HIC2: variants seen among roughly 807,000 people sequenced by gnomAD.
The protein encoded by HIC2 is hypermethylated in cancer 2 protein.
In HIC2, 2 loss-of-function variants were observed where a neutral mutation model predicts 39.5. That is an observed-to-expected ratio of 0.05 (90% CI 0.02 to 0.16). The LOEUF (loss-of-function observed/expected upper bound fraction) is 0.16, where lower values mean the gene tolerates loss of function less well. Among genes scored for constraint, HIC2 ranks in the 10% least tolerant of loss-of-function variants. HIC2 has a pLI of 1.00. For synonymous variants in HIC2, 399 were observed against 368.8 expected (o/e 1.08, Z -0.94); for missense variants, 713 against 863.5 (o/e 0.83, Z 2.18).
At chr22:21,432,707 C>A (rs1923362799) in intron 1 of HIC2, among the ~76,000 whole-genome samples, 1 of 143,552 alleles carries the variant, frequency 7.0e-6, no homozygotes, top group Non-Finnish European at 1.5e-5. Context: ...GTCAATTGGA[C>A]CTTAGGACAA....
Position 21,447,513 on chromosome 22 carries a change from G to A in HIC2, c.*770G>A, listed in dbSNP as rs1361721464. 2.6e-5 allele frequency: 4 copies of A among 152,604 alleles called. No homozygotes were observed. The highest frequency in any genetic ancestry group is 4.1e-4 in the South Asian group (2 of 4,832). 9.5% of individuals were successfully genotyped at this position (152,604 alleles called of 1,614,324 possible). ...TCTGGCGCTGCAGGGGTGTCGGCGC[G>A]CCACCTCTCCAGGCCCCAGAAGCCC... On this transcript the variant is annotated 3_prime_UTR_variant, in exon 3 of 3. Transcript: ENST00000407464.
At chr22:21,444,796 C>T (rs1442694673) in intron 2 of HIC2, 126 bp from the exon 3 acceptor site, 6 of 1,022,444 alleles carry the variant, frequency 5.9e-6, no homozygotes, top group African/African-American at 3.2e-5. Flanking sequence ...TACTGTGCCG[C>T]AGGGGCTCCT....
intron 2 of HIC2, among the ~76,000 whole-genome samples, chr22:21,444,002 AG>A (rs1358044693): frequency 3.3e-5 from 5 of 152,146 alleles, no homozygotes; most frequent in Admixed American, 6.5e-5. Context: ...ATGGCAGAGG[AG>A]GCTGCTCAGT....
At position 21,449,463 on chromosome 22, in the gene HIC2, A is replaced by AT. The variant is rs1182215584; in HGVS notation, c.*2726dup. The AT allele has an allele frequency of 1.3e-5, 2 of 152,788 alleles. No homozygotes were observed. The highest frequency in any genetic ancestry group is 2.4e-5 in the African/African-American group (1 of 41,448). The allele number at this position is 152,788 out of a possible 1,614,324, so 9.5% of individuals were successfully genotyped here. ...GCTCATACCCAAATTCACAAAGCCTATTTTTTAAACCAAAGCACATTTTGA... is the reference window on the plus strand; with the variant it reads ...GCTCATACCCAAATTCACAAAGCCTATTTTTTTAAACCAAAGCACATTTTGA... On this transcript the variant is annotated 3_prime_UTR_variant, in exon 3 of 3. Transcript: ENST00000407464.
At chr22:21,425,943 C>T (rs1923228622) in intron 1 of HIC2, among the ~76,000 whole-genome samples, 1 of 152,062 alleles carries the variant, frequency 6.6e-6, no homozygotes, top group Non-Finnish European at 1.5e-5. Context: ...AACTTCTGAC[C>T]TCGTGATCCG....
chr22:21,446,627 G>C lies in HIC2; in HGVS notation c.1732G>C (p.Glu578Gln). The C allele has an allele frequency of 6.2e-7, 1 of 1,613,766 alleles. No individual in the cohort carries two copies. Among genetic ancestry groups the C allele is most frequent in the Non-Finnish European group, 8.5e-7 (1 of 1,180,022 alleles). ...MRFTRQYRLT[E>Q]HMRVHSGEKP... is the part of the protein sequence containing the mutation. ...CTTCACCCGTCAGTACCGCCTCACGGAGCACATGCGTGTGCACTCGGGCGA... is the reference window on the plus strand; with the variant it reads ...CTTCACCCGTCAGTACCGCCTCACGCAGCACATGCGTGTGCACTCGGGCGA... Residue 578 changes from glutamate to glutamine, a missense_variant, in exon 3 of 3, where the codon GAG becomes CAG. Around this residue, in one of 5 missense-constraint regions of HIC2, gnomAD observed 40 missense variants for 124.4 expected, o/e 0.32. Coordinates refer to ENST00000407464, the MANE Select transcript of HIC2 (RefSeq NM_015094.3).
rs1033601268 is a variant in HIC2, at chr22:21,447,816, A to C, written c.*1073A>C. The C allele has an allele frequency of 1.3e-5, 2 of 150,888 alleles. No individual in the cohort carries two copies. The highest frequency in any genetic ancestry group is 4.9e-5 in the African/African-American group (2 of 40,638). The allele number at this position is 150,888 out of a possible 1,614,324, so 9.3% of individuals were successfully genotyped here. ...TGTGTATGTGCGTATGTGTGTGTCT[A>C]TGTGTGGTGTGTGCCGTATGCATGG... On this transcript the variant is annotated 3_prime_UTR_variant, in exon 3 of 3. Transcript: ENST00000407464.
At position 21,446,142 on chromosome 22, in the gene HIC2, G is replaced by A. The variant is rs777870643; in HGVS notation, c.1247G>A (p.Gly416Glu). 1 of 1,608,794 alleles carries A rather than the reference G, an allele frequency of 6.2e-7. No homozygotes were observed. The highest frequency in any genetic ancestry group is 8.5e-7 in the Non-Finnish European group (1 of 1,179,936). ...GACAGTGCGCAGAGCGGGAGCGAGG[G>A]GGGCAGCGGCCATGCCAGCGCCCAC... ...SEDSAQSGSEGGSGHASAHYM... is the reference protein window; with the variant it reads ...SEDSAQSGSEEGSGHASAHYM... The change falls in exon 3 of 3, where the codon GGG becomes GAG. Residue 416 changes from glycine (G) to glutamate (E), a missense_variant. Coordinates refer to ENST00000407464, the MANE Select transcript of HIC2 (RefSeq NM_015094.3).
Position 21,445,600 on chromosome 22 carries a change from C to A in HIC2, c.705C>A (p.Asn235Lys). The change falls in exon 3 of 3, where the codon AAC becomes AAA. Residue 235 changes from asparagine to lysine, a missense_variant. Physicochemically the swap from Asn to Lys is moderately conservative, Grantham distance 94. Around this residue, in one of 5 missense-constraint regions of HIC2, gnomAD observed 457 missense variants for 420.2 expected, o/e 1.09. Coordinates refer to ENST00000407464, the MANE Select transcript of HIC2 (RefSeq NM_015094.3). ...TGGGGGGCTGCAGCAGCAGCACCAA[C>A]GGGAGCAGCGGGGGCTGCGAGCAGG... ...AGLGGCSSST[N>K]GSSGGCEQEL... is the part of the protein sequence containing the mutation. 1.9e-6 allele frequency: 3 copies of A among 1,578,248 alleles called. No individual in the cohort carries two copies. The highest frequency in any genetic ancestry group is 2.6e-6 in the Non-Finnish European group (3 of 1,164,470).
Position 21,447,206 on chromosome 22 carries a change from C to T in HIC2, c.*463C>T, listed in dbSNP as rs184230448. The T allele has an allele frequency of 3.0e-4, 51 of 168,702 alleles. 1 individual carries two copies. Among genetic ancestry groups the T allele is most frequent in the Admixed American group, 2.9e-3 (51 of 17,760 alleles). The allele number at this position is 168,702 out of a possible 1,614,324, so 10.5% of individuals were successfully genotyped here. A position where few individuals can be genotyped will look rare whatever the true frequency, so the allele number is the denominator to read the frequency against. ...GCCCTGGTTCTGCAGGGAACAGGTG[C>T]TGGGGGTGCAGATCCCTCCCTCCTT... is the stretch of plus-strand genomic sequence containing the variant. On this transcript the variant is annotated 3_prime_UTR_variant, in exon 3 of 3. Coordinates refer to ENST00000407464, the MANE Select transcript of HIC2 (RefSeq NM_015094.3).
Position 21,446,314 on chromosome 22 carries a change from A to G in HIC2, c.1419A>G (p.Glu473=), listed in dbSNP as rs142010180. Residue 473 remains glutamate, a synonymous_variant, in exon 3 of 3, where the codon GAA becomes GAG. Coordinates refer to ENST00000407464, the MANE Select transcript of HIC2 (RefSeq NM_015094.3). ...CGGAGGAAGAGCTGTTCATCAAGGA[A>G]GAGGGGGCCTACGAGACAGGCAGTG... ...THTEEELFIK[E]EGAYETGSGG... The G allele has an allele frequency of 1.9e-6, 3 of 1,613,056 alleles. No individual in the cohort carries two copies. Among genetic ancestry groups the G allele is most frequent in the African/African-American group, 2.7e-5 (2 of 74,892 alleles).
rs750150985 is a variant in HIC2, at chr22:21,446,575, C to T, written c.1680C>T (p.Pro560=). Residue 560 remains proline, a synonymous_variant, in exon 3 of 3, where the codon CCC becomes CCT. Transcript: ENST00000407464. ...TGCGGAGCCACCTGGGCCTGAAGCCCTTCGCCTGCGATGAGTGTGGCATGC... is the reference window on the plus strand; with the variant it reads ...TGCGGAGCCACCTGGGCCTGAAGCCTTTCGCCTGCGATGAGTGTGGCATGC... ...RHMRSHLGLK[P]FACDECGMRF... 1 of 1,613,578 alleles carries T rather than the reference C, an allele frequency of 6.2e-7. No homozygotes were observed. Among genetic ancestry groups the T allele is most frequent in the South Asian group, 1.1e-5 (1 of 91,088 alleles).
intron 1 of HIC2, among the ~76,000 whole-genome samples, chr22:21,430,965 TGAATC>T (rs1262655653): frequency 5.5e-5 from 3 of 54,452 alleles, no homozygotes; most frequent in Non-Finnish European, 9.2e-5. Flanking sequence ...TACTATTGGT[TGAATC>T]GTGGGTGTCC....
intron 2 of HIC2, 104 bp from the exon 3 acceptor site, chr22:21,444,818 G>A (rs1923708111): frequency 7.7e-7 from 1 of 1,291,876 alleles, no homozygotes; most frequent in Admixed American, 2.2e-5. Context: ...CCCTATGTGG[G>A]GTCAGTTCTG....
Position 21,447,121 on chromosome 22 carries a change from C to T in HIC2, c.*378C>T, listed in dbSNP as rs1923893039. Reference sequence around the variant, plus strand: ...CCAGGGTGGTGTCGGGAGCAGGCCTCACCCCGCTGGCCGTGTCTGTGTGTG... The same window carrying T: ...CCAGGGTGGTGTCGGGAGCAGGCCTTACCCCGCTGGCCGTGTCTGTGTGTG... On this transcript the variant is annotated 3_prime_UTR_variant, in exon 3 of 3. Transcript: ENST00000407464. The T allele has an allele frequency of 7.9e-6, 2 of 252,818 alleles. No homozygotes were observed. Among genetic ancestry groups the T allele is most frequent in the Non-Finnish European group, 1.5e-5 (2 of 129,452 alleles). 15.7% of individuals were successfully genotyped at this position (252,818 alleles called of 1,614,324 possible).
chr22:21,446,838 G>A lies in HIC2; in HGVS notation c.*95G>A. On this transcript the variant is annotated 3_prime_UTR_variant, in exon 3 of 3. Coordinates refer to ENST00000407464, the MANE Select transcript of HIC2 (RefSeq NM_015094.3). ...ATGCAGCAGCAGGGGCAAGACCCTGGGTCCAGTGGAGGCTCCGGGTGGCCC... is the reference window on the plus strand; with the variant it reads ...ATGCAGCAGCAGGGGCAAGACCCTGAGTCCAGTGGAGGCTCCGGGTGGCCC... The A allele has an allele frequency of 6.8e-7, 1 of 1,480,388 alleles. No homozygotes were observed. The highest frequency in any genetic ancestry group is 1.4e-5 in the South Asian group (1 of 73,604). The allele number at this position is 1,480,388 out of a possible 1,614,324, so 91.7% of individuals were successfully genotyped here.
In HIC2 at chr22:21,446,613, A is replaced by C; in HGVS notation, c.1718A>C (p.Gln573Pro). The change falls in exon 3 of 3, where the codon CAG becomes CCG. Residue 573 changes from glutamine to proline, a missense_variant. Physicochemically the swap from Gln to Pro is moderately conservative, Grantham distance 76. This residue lies in a region of HIC2 where 40 missense variants were observed against 124.4 expected (regional missense o/e 0.32). Transcript: ENST00000407464. ...GAGTGTGGCATGCGCTTCACCCGTCAGTACCGCCTCACGGAGCACATGCGT... is the reference window on the plus strand; with the variant it reads ...GAGTGTGGCATGCGCTTCACCCGTCCGTACCGCCTCACGGAGCACATGCGT... ...CDECGMRFTR[Q>P]YRLTEHMRVH... 6.2e-7 allele frequency: 1 copy of C among 1,613,788 alleles called. No individual in the cohort carries two copies. Among genetic ancestry groups the C allele is most frequent in the Non-Finnish European group, 8.5e-7 (1 of 1,180,028 alleles).
In HIC2 at chr22:21,450,370, TACCGTTCATC is replaced by T. The variant is rs1351507949; in HGVS notation, c.*3631_*3640del. ...CCCACCTCAGGCAGCCCTGTGTGTT[TACCGTTCATC>T]ACCACTCGGGGGCACCGGGCCGCCC... On this transcript the variant is annotated 3_prime_UTR_variant, in exon 3 of 3. Transcript: ENST00000407464. 1.3e-5 allele frequency: 2 copies of T among 152,946 alleles called. No individual in the cohort carries two copies. Among genetic ancestry groups the T allele is most frequent in the African/African-American group, 4.8e-5 (2 of 41,464 alleles). The allele number at this position is 152,946 out of a possible 1,614,324, so 9.5% of individuals were successfully genotyped here. A position where few individuals can be genotyped will look rare whatever the true frequency, so the allele number is the denominator to read the frequency against.
intron 1 of HIC2, among the ~76,000 whole-genome samples, chr22:21,431,170 G>A (rs1163600345): frequency 1.0e-4 from 1 of 9,962 alleles, no homozygotes; most frequent in African/African-American, 5.6e-4. Flanking sequence ...CTGAAACTGC[G>A]AATGATTTTG....
Sources: gnomAD v4.1 joint callset for allele counts (sites outside exome capture counted in the v4.1 genomes callset) on GRCh38, gnomAD v4.1.1 for gene constraint, gnomAD v4.1.1 regional missense constraint, MANE v1.5 for transcripts, NCBI Gene and HGNC (gene_info 2026-07-23, HGNC 2026-07-21) for gene names.